Variants in PLCB1 observed in about 807,000 individuals in gnomAD.
The protein encoded by PLCB1 is 1-phosphatidylinositol 4,5-bisphosphate phosphodiesterase beta-1.
PLCB1 carries 46 observed loss-of-function variants against 161.8 expected under a neutral mutation model. That is an observed-to-expected ratio of 0.28 (90% CI 0.22 to 0.36). The LOEUF is 0.36. Ranked by LOEUF, PLCB1 falls within the 10% of genes least tolerant of loss-of-function variation. PLCB1 has a pLI of 1.00. For missense variants in PLCB1, 1,016 were observed against 1,472.5 expected, an observed-to-expected ratio of 0.69 and a Z score of 5.07; for synonymous variants, 517 against 503.7, an observed-to-expected ratio of 1.03 and a Z score of -0.35.
chr20:8,652,293 A>G (rs957171860), intron 7 of PLCB1: 4 of 152,152 alleles, frequency 2.6e-5, no homozygotes, highest in African/African-American at 7.2e-5. Context: ...GTTGGAGAAA[A>G]CTTTAAAAAA....
intron 3 of PLCB1, among the ~76,000 whole-genome samples, chr20:8,607,436 G>T (rs1987788209): frequency 6.6e-6 from 1 of 152,110 alleles, no homozygotes; most frequent in Non-Finnish European, 1.5e-5. Flanking sequence ...ATTAGAATTT[G>T]CCCTTTGCCC....
intron 31 of PLCB1, among the ~76,000 whole-genome samples, chr20:8,793,801 C>G (rs548425701): frequency 1.3e-5 from 2 of 152,220 alleles, no homozygotes; most frequent in South Asian, 4.1e-4. Context: ...ACTGGTCTGA[C>G]CAAAATTTAT....
intron 23 of PLCB1, chr20:8,751,244 G>A (rs919169822): frequency 1.7e-5 from 3 of 180,394 alleles, no homozygotes; most frequent in Non-Finnish European, 3.5e-5. Context: ...GCGCCCGGCC[G>A]GAACTGCACT....
Position 8,507,074 on chromosome 20 carries a change from A to G in PLCB1, c.247-121220A>G, listed in dbSNP as rs149063367. 3.2e-3 allele frequency among the ~76,000 whole-genome samples: 492 copies of G among 152,292 alleles called. 3 individuals are homozygous for G. Among genetic ancestry groups the G allele is most frequent in the African/African-American group, 0.011 (471 of 41,562 alleles). On this transcript the variant is annotated intron_variant, in intron 3 of 31. Coordinates refer to ENST00000338037, the MANE Select transcript of PLCB1 (RefSeq NM_015192.4). ...TTGTATGCTATGTATTGTATACTGT[A>G]TTCTTACAATAAAGTAAGGTAGAGA...
chr20:8,457,265 C>T (rs911448593), intron 3 of PLCB1, among the ~76,000 whole-genome samples: 1 of 152,154 alleles, frequency 6.6e-6, no homozygotes, highest in Non-Finnish European at 1.5e-5. Flanking sequence ...TTGCAGGGGT[C>T]ATCTTGGCCT....
At chr20:8,702,952 T>C (rs1978452725) in intron 11 of PLCB1, among the ~76,000 whole-genome samples, 1 of 152,136 alleles carries the variant, frequency 6.6e-6, no homozygotes, top group South Asian at 2.1e-4. Context: ...GCTTTAATAA[T>C]TGGAAAATTT....
rs966601402 is a variant in PLCB1, at chr20:8,619,177, C to T, written c.247-9117C>T. 5.9e-5 allele frequency among the ~76,000 whole-genome samples: 9 copies of T among 152,168 alleles called. No individual in the cohort carries two copies. In the East Asian group the frequency reaches 1.5e-3, roughly 26 times the overall value. ...AGAGGCCGGGTGCGGTGGCTCATGC[C>T]TGGGAAGCTGAGGCAGATGGATCAT... On this transcript the variant is annotated intron_variant, in intron 3 of 31. Coordinates refer to ENST00000338037, the MANE Select transcript of PLCB1 (RefSeq NM_015192.4).
intron 3 of PLCB1, among the ~76,000 whole-genome samples, chr20:8,436,433 A>T (rs1427912535): frequency 8.0e-6 from 1 of 124,732 alleles, no homozygotes; most frequent in African/African-American, 3.2e-5. Context: ...AGTTGTGTTC[A>T]AGAAAAAAAA....
intron 9 of PLCB1, among the ~76,000 whole-genome samples, chr20:8,668,972 A>G (rs749745727): frequency 5.9e-5 from 9 of 152,254 alleles, no homozygotes; most frequent in Non-Finnish European, 1.3e-4. Context: ...TACCTAATGC[A>G]GTTGCGTGGA....
At chr20:8,137,347 A>G (rs762607722) in intron 1 of PLCB1, among the ~76,000 whole-genome samples, 2 of 152,218 alleles carry the variant, frequency 1.3e-5, no homozygotes, top group African/African-American at 4.8e-5. Context: ...TGGAAAGGTT[A>G]TGGGAAACAG....
At chr20:8,676,353 T>C in intron 9 of PLCB1, among the ~76,000 whole-genome samples, 1 of 149,476 alleles carries the variant, frequency 6.7e-6, no homozygotes, top group East Asian at 2.0e-4. Context: ...AGAGCAAGAC[T>C]CTGTCTCAAG....
At chr20:8,871,769 T>A (rs1210263263) in intron 31 of PLCB1, among the ~76,000 whole-genome samples, 1 of 152,198 alleles carries the variant, frequency 6.6e-6, no homozygotes, top group Non-Finnish European at 1.5e-5. Flanking sequence ...GAACAAGGAC[T>A]GGTTCATAGG....
At chr20:8,378,593 C>G (rs950146480) in intron 3 of PLCB1, among the ~76,000 whole-genome samples, 1 of 152,156 alleles carries the variant, frequency 6.6e-6, no homozygotes, top group Admixed American at 6.5e-5. Flanking sequence ...AGGCTGCTGG[C>G]CATTCAGGGT....
At chr20:8,270,443 A>C (rs935166969) in intron 2 of PLCB1, among the ~76,000 whole-genome samples, 1 of 152,206 alleles carries the variant, frequency 6.6e-6, no homozygotes, top group Non-Finnish European at 1.5e-5. Flanking sequence ...GTTATGTAAC[A>C]TGGGCATGTA....
intron 3 of PLCB1, among the ~76,000 whole-genome samples, chr20:8,427,235 G>C (rs762387897): frequency 6.6e-6 from 1 of 152,050 alleles, no homozygotes. Flanking sequence ...ATATCAAGAT[G>C]GTTTTATAAT....
chr20:8,262,248 C>CTT (rs10718370), intron 2 of PLCB1, among the ~76,000 whole-genome samples: 1 of 148,448 alleles, frequency 6.7e-6, no homozygotes, highest in Non-Finnish European at 1.5e-5. Flanking sequence ...CGCCAGGCTA[C>CTT]TTTTTTTTTT....
chr20:8,716,388 A>G (rs376210626), intron 13 of PLCB1, 40 bp downstream of exon 13: 15 of 1,388,276 alleles, frequency 1.1e-5, no homozygotes, highest in Non-Finnish European at 1.5e-5. Flanking sequence ...GAATGTATGC[A>G]TTATTGATGA....
chr20:8,744,554 A>C (rs1981050443), intron 23 of PLCB1, among the ~76,000 whole-genome samples: 1 of 151,702 alleles, frequency 6.6e-6, no homozygotes, highest in Admixed American at 6.6e-5. Context: ...GCTGCAATTA[A>C]CTATGAATGC....
intron 3 of PLCB1, among the ~76,000 whole-genome samples, chr20:8,429,066 C>T (rs1320607589): frequency 2.0e-5 from 3 of 152,110 alleles, no homozygotes; most frequent in African/African-American, 7.2e-5. Flanking sequence ...TTATTGTATG[C>T]ACGCAAGCAA....
Sources: allele counts gnomAD v4.1 joint callset (sites outside exome capture counted in the v4.1 genomes callset), GRCh38; gene constraint gnomAD v4.1.1; transcripts MANE v1.5; gene names NCBI Gene and HGNC (gene_info 2026-07-23, HGNC 2026-07-21).